Variants in UMPS observed in about 807,000 individuals in gnomAD.
The protein encoded by UMPS is uridine 5'-monophosphate synthase.
In UMPS, 21 loss-of-function variants were observed where a neutral mutation model predicts 38.9. The observed-to-expected ratio is 0.54, with a 90% CI of 0.38 to 0.78. The LOEUF is 0.78. Ranked by LOEUF, UMPS falls within the 30% of genes least tolerant of loss-of-function variation. The pLI, the probability that UMPS is intolerant of heterozygous loss-of-function variation, is 0.00. For synonymous variants in UMPS, 208 were observed against 219.3 expected, an observed-to-expected ratio of 0.95 and a Z score of 0.45; for missense variants, 533 against 591.6, an observed-to-expected ratio of 0.90 and a Z score of 1.03.
chr3:124,738,319 T>G (rs1403153824), intron 3 of UMPS, 80 bp downstream of exon 3: 3 of 1,473,090 alleles, frequency 2.0e-6, no homozygotes, highest in Non-Finnish European at 2.8e-6. Context: ...CTCATGTCAT[T>G]GAAAGTCCAT....
Position 124,748,695 on chromosome 3 carries a change from C to A in UMPS, c.*4611C>A. ...AACTGTCAGCAGAGGAGGTCTGTGT[C>A]ATGTTTTTCAGCGCTGGGGTTGGGG... On this transcript the variant is annotated 3_prime_UTR_variant, in exon 6 of 6. Transcript: ENST00000232607. The A allele has an allele frequency of 2.2e-6, 1 of 452,748 alleles. No individual in the cohort carries two copies. The highest frequency in any genetic ancestry group is 7.0e-4 in the Middle Eastern group (1 of 1,436). 28.0% of individuals were successfully genotyped at this position (452,748 alleles called of 1,614,324 possible).
In UMPS at chr3:124,737,931, T is replaced by G; in HGVS notation, c.674T>G (p.Leu225Arg). The G allele has an allele frequency of 1.2e-6, 2 of 1,614,200 alleles. No homozygotes were observed. Among genetic ancestry groups the G allele is most frequent in the South Asian group, 2.2e-5 (2 of 91,072 alleles). Reference sequence around the variant, plus strand: ...TCTATAAAGGAAGCACCCAAAGAACTCAGCTTCGGTGCACGTGCAGAGCTG... The same window carrying G: ...TCTATAAAGGAAGCACCCAAAGAACGCAGCTTCGGTGCACGTGCAGAGCTG... The part of the protein sequence containing the change: ...PLSIKEAPKE[L>R]SFGARAELPR... Residue 225 changes from leucine to arginine, a missense_variant, in exon 3 of 6, where the codon CTC becomes CGC. By Grantham distance (102) the Leu-to-Arg change is moderately radical. Coordinates refer to ENST00000232607, the MANE Select transcript of UMPS (RefSeq NM_000373.4).
At chr3:124,737,463 C>A in intron 2 of UMPS, 105 bp from the exon 3 acceptor site, 1 of 1,019,470 alleles carries the variant, frequency 9.8e-7, no homozygotes, top group Non-Finnish European at 1.5e-6. Context: ...TACACATATA[C>A]TGTATGTGTA....
In UMPS at chr3:124,743,900, T is replaced by C; in HGVS notation, c.1274-15T>C. ...TTTGTATTATGTGAAACAACAATTT[T>C]TGTGTTTCTTGCAGGAGATAATCTT... On this transcript the variant is annotated splice_polypyrimidine_tract_variant and intron_variant, in intron 5 of 5. Transcript: ENST00000232607. 6.2e-7 allele frequency: 1 copy of C among 1,613,886 alleles called. No homozygotes were observed. Among genetic ancestry groups the C allele is most frequent in the South Asian group, 1.1e-5 (1 of 91,050 alleles).
In UMPS at chr3:124,740,166, C is replaced by T. The variant is rs1221796894; in HGVS notation, c.1125C>T (p.Gly375=). 1.1e-5 allele frequency: 18 copies of T among 1,613,454 alleles called. No homozygotes were observed. Among genetic ancestry groups the T allele is most frequent in the Non-Finnish European group, 1.5e-5 (18 of 1,179,964 alleles). ...CLLIAEMSST[G]SLATGDYTRA... is the part of the protein sequence containing the mutation. ...TTATTGCGGAAATGAGCTCCACCGGCTCCCTGGCCACTGGGGACTACACTA... is the reference window on the plus strand; with the variant it reads ...TTATTGCGGAAATGAGCTCCACCGGTTCCCTGGCCACTGGGGACTACACTA... Residue 375 remains glycine, a synonymous_variant, in exon 4 of 6, where the codon GGC becomes GGT. Coordinates refer to ENST00000232607, the MANE Select transcript of UMPS (RefSeq NM_000373.4).
chr3:124,747,632 T>A lies in UMPS; in HGVS notation c.*3548T>A. 2.2e-6 allele frequency: 1 copy of A among 452,518 alleles called. No individual in the cohort carries two copies. The highest frequency in any genetic ancestry group is 1.6e-5 in the South Asian group (1 of 64,466). The allele number at this position is 452,518 out of a possible 1,614,324, so 28.0% of individuals were successfully genotyped here. Reference sequence around the variant, plus strand: ...GTAAGCCTGGGAGCGTGATAAATGCTTAGTAGTGCATGCCATGGAGTTCCA... The same window carrying A: ...GTAAGCCTGGGAGCGTGATAAATGCATAGTAGTGCATGCCATGGAGTTCCA... On this transcript the variant is annotated 3_prime_UTR_variant, in exon 6 of 6. Coordinates refer to ENST00000232607, the MANE Select transcript of UMPS (RefSeq NM_000373.4).
At position 124,746,408 on chromosome 3, in the gene UMPS, AAG is replaced by A; in HGVS notation, c.*2327_*2328del. The A allele has an allele frequency of 6.6e-6, 3 of 454,054 alleles. No homozygotes were observed. Among genetic ancestry groups the A allele is most frequent in the South Asian group, 4.7e-5 (3 of 64,472 alleles). 28.1% of individuals were successfully genotyped at this position (454,054 alleles called of 1,614,324 possible). A position where few individuals can be genotyped will look rare whatever the true frequency, so the allele number is the denominator to read the frequency against. ...GTTTCTGATTTGTATTTCTATTGTG[AAG>A]AGTCAGCCCAGTACTGCAGGCCTCT... On this transcript the variant is annotated 3_prime_UTR_variant, in exon 6 of 6. Coordinates refer to ENST00000232607, the MANE Select transcript of UMPS (RefSeq NM_000373.4).
chr3:124,747,677 A>G lies in UMPS; in HGVS notation c.*3593A>G, dbSNP rs1276683276. ...GTTCCAGGGTGGTTTATTACACGGCAATATCTAGCTAAATACATTTAACTT... is the reference window on the plus strand; with the variant it reads ...GTTCCAGGGTGGTTTATTACACGGCGATATCTAGCTAAATACATTTAACTT... On this transcript the variant is annotated 3_prime_UTR_variant, in exon 6 of 6. Coordinates refer to ENST00000232607, the MANE Select transcript of UMPS (RefSeq NM_000373.4). 1 of 453,538 alleles carries G rather than the reference A, an allele frequency of 2.2e-6. No individual in the cohort carries two copies. The highest frequency in any genetic ancestry group is 1.6e-5 in the South Asian group (1 of 64,474). 28.1% of individuals were successfully genotyped at this position (453,538 alleles called of 1,614,324 possible).
chr3:124,734,695 T>A (rs576110032), intron 1 of UMPS, among the ~76,000 whole-genome samples: 15 of 152,360 alleles, frequency 9.8e-5, no homozygotes, highest in African/African-American at 3.6e-4. Context: ...GTCTTTTCTG[T>A]TACGTTGTTA....
rs1444126677 is a variant in UMPS at position 124,746,961 on chromosome 3, C to T, written c.*2877C>T. ...AACACTCACCCTTGTGCTACTGAGT[C>T]AGCTCTAAGAAAATCTGCCAAAAGT... On this transcript the variant is annotated 3_prime_UTR_variant, in exon 6 of 6. Transcript: ENST00000232607. 2 of 453,968 alleles carry T rather than the reference C, an allele frequency of 4.4e-6. No homozygotes were observed. The highest frequency in any genetic ancestry group is 2.3e-5 in the Admixed American group (1 of 42,560). 28.1% of individuals were successfully genotyped at this position (453,968 alleles called of 1,614,324 possible).
At position 124,748,772 on chromosome 3, in the gene UMPS, T is replaced by C. The variant is rs1164313302; in HGVS notation, c.*4688T>C. On this transcript the variant is annotated 3_prime_UTR_variant, in exon 6 of 6. Coordinates refer to ENST00000232607, the MANE Select transcript of UMPS (RefSeq NM_000373.4). ...GAGATCCCTCGCCCCAGCTCGGCCA[T>C]GTGTGTCTGGGACAGAGCCTGAGGT... The C allele has an allele frequency of 4.8e-6, 2 of 413,826 alleles. No homozygotes were observed. Among genetic ancestry groups the C allele is most frequent in the Non-Finnish European group, 9.6e-6 (2 of 207,862 alleles). The allele number at this position is 413,826 out of a possible 1,614,324, so 25.6% of individuals were successfully genotyped here. A position where few individuals can be genotyped will look rare whatever the true frequency, so the allele number is the denominator to read the frequency against.
In UMPS at chr3:124,745,818, G is replaced by T. The variant is rs982944773; in HGVS notation, c.*1734G>T. 2 of 453,990 alleles carry T rather than the reference G, an allele frequency of 4.4e-6. No homozygotes were observed. The highest frequency in any genetic ancestry group is 4.4e-6 in the Non-Finnish European group (1 of 226,794). The allele number at this position is 453,990 out of a possible 1,614,324, so 28.1% of individuals were successfully genotyped here. ...TATGTTGAGAGGCCTTTGGAGTGAT[G>T]TGCTGAGGTCTCAGGCGCCCACCTC... On this transcript the variant is annotated 3_prime_UTR_variant, in exon 6 of 6. Coordinates refer to ENST00000232607, the MANE Select transcript of UMPS (RefSeq NM_000373.4).
In UMPS at chr3:124,730,546, C is replaced by T; in HGVS notation, c.75C>T (p.Asp25=). 6.2e-7 allele frequency: 1 copy of T among 1,614,046 alleles called. No homozygotes were observed. Among genetic ancestry groups the T allele is most frequent in the Non-Finnish European group, 8.5e-7 (1 of 1,179,924 alleles). The part of the protein sequence containing the change: ...LYDVQAFKFG[D]FVLKSGLSSP... ...ACGTGCAGGCTTTCAAGTTTGGGGA[C>T]TTCGTGCTGAAGAGCGGGCTTTCCT... The change falls in exon 1 of 6, where the codon GAC becomes GAT. Residue 25 remains aspartate, a synonymous_variant. Transcript: ENST00000232607.
rs965374999 is a variant in UMPS at position 124,747,748 on chromosome 3, T to C, written c.*3664T>C. Reference sequence around the variant, plus strand: ...GCCTGGTTACCAGGAAGACAAAAACTGGGCTCCACCAGGAACCAGTCTTCT... The same window carrying C: ...GCCTGGTTACCAGGAAGACAAAAACCGGGCTCCACCAGGAACCAGTCTTCT... On this transcript the variant is annotated 3_prime_UTR_variant, in exon 6 of 6. Coordinates refer to ENST00000232607, the MANE Select transcript of UMPS (RefSeq NM_000373.4). 2 of 452,254 alleles carry C rather than the reference T, an allele frequency of 4.4e-6. No individual in the cohort carries two copies. Among genetic ancestry groups the C allele is most frequent in the Non-Finnish European group, 8.9e-6 (2 of 225,182 alleles). 28.0% of individuals were successfully genotyped at this position (452,254 alleles called of 1,614,324 possible).
At chr3:124,742,933 A>G (rs1454243637) in intron 5 of UMPS, among the ~76,000 whole-genome samples, 1 of 152,100 alleles carries the variant, frequency 6.6e-6, no homozygotes, top group Non-Finnish European at 1.5e-5. Context: ...TCTTTTTTTA[A>G]TATATTGTTA....
chr3:124,734,976 G>C (rs1486107143), intron 1 of UMPS, 117 bp from the exon 2 acceptor site: 1 of 932,252 alleles, frequency 1.1e-6, no homozygotes, highest in Non-Finnish European at 1.5e-6. Flanking sequence ...AGCCGAGATC[G>C]CACCACTGCA....
chr3:124,738,279 C>T (rs1283586570), intron 3 of UMPS, 40 bp downstream of exon 3: 2 of 1,598,862 alleles, frequency 1.3e-6, no homozygotes, highest in African/African-American at 2.7e-5. Flanking sequence ...ATCAGAAATC[C>T]AGCTTAAACT....
At chr3:124,730,657 C>T (rs12632590) in intron 1 of UMPS, 30 bp downstream of exon 1, 6 of 1,604,740 alleles carry the variant, frequency 3.7e-6, no homozygotes, top group Non-Finnish European at 5.1e-6. Context: ...AAGGACAGGG[C>T]TTGGTGGCGG....
chr3:124,740,219 G>A lies in UMPS; in HGVS notation c.1158+20G>A, dbSNP rs943256770. 1 of 1,594,182 alleles carries A rather than the reference G, an allele frequency of 6.3e-7. No individual in the cohort carries two copies. The highest frequency in any genetic ancestry group is 1.1e-5 in the South Asian group (1 of 89,446). ...GCAGCGGTAAGTGGTGGGGGGACTG[G>A]GTGAGAGGGGGCAGGGGCTGCTATG... On this transcript the variant is annotated intron_variant, in intron 4 of 5. Coordinates refer to ENST00000232607, the MANE Select transcript of UMPS (RefSeq NM_000373.4).
Sources: gnomAD v4.1 joint callset for allele counts (sites outside exome capture counted in the v4.1 genomes callset) on GRCh38, gnomAD v4.1.1 for gene constraint, MANE v1.5 for transcripts, NCBI Gene and HGNC (gene_info 2026-07-23, HGNC 2026-07-21) for gene names.